FOXP1: variants seen among roughly 807,000 people sequenced by gnomAD.
The protein encoded by FOXP1 is forkhead box P1.
In FOXP1, 15 loss-of-function variants were observed where a neutral mutation model predicts 98.2. The observed-to-expected ratio is 0.15, with a 90% confidence interval of 0.10 to 0.24. The LOEUF (loss-of-function observed/expected upper bound fraction) is 0.24. Among genes scored for constraint, FOXP1 ranks in the 10% least tolerant of loss-of-function variants. The probability of loss-of-function intolerance (pLI) is 1.00; values close to 1 mark genes in which losing one functional copy is unlikely to be tolerated. For missense variants in FOXP1, 633 were observed against 848.5 expected, an observed-to-expected ratio of 0.75 and a Z score of 3.15; for synonymous variants, 371 against 314.5, an observed-to-expected ratio of 1.18 and a Z score of -1.90.
chr3:71,082,711 G>A (rs886364294), intron 7 of FOXP1, among the ~76,000 whole-genome samples: 1 of 151,536 alleles, frequency 6.6e-6, no homozygotes, highest in African/African-American at 2.4e-5. Flanking sequence ...ACAGTAACAA[G>A]GGACTGCAGA....
chr3:71,192,286 G>A (rs572988345), intron 6 of FOXP1, among the ~76,000 whole-genome samples: 21 of 152,296 alleles, frequency 1.4e-4, no homozygotes, highest in Non-Finnish European at 2.5e-4. Context: ...TTGCTACCCA[G>A]TCTTTACACC....
At chr3:71,119,972 G>T (rs991125595) in intron 6 of FOXP1, among the ~76,000 whole-genome samples, 5 of 152,192 alleles carry the variant, frequency 3.3e-5, no homozygotes, top group African/African-American at 1.2e-4. Flanking sequence ...CTCATGGAAG[G>T]ATTCTGGTGA....
Position 70,970,580 on chromosome 3 carries a change from T to C in FOXP1, c.1722+156A>G, listed in dbSNP as rs866767402. ...CCGCTAACGCTGAAGCAGCCCGATGTGTTTGCCTCCAGGGAGTATGATGCT... is the reference window on the plus strand; with the variant it reads ...CCGCTAACGCTGAAGCAGCCCGATGCGTTTGCCTCCAGGGAGTATGATGCT... On this transcript the variant is annotated intron_variant, in intron 19 of 20. Coordinates refer to ENST00000649528, the MANE Select transcript of FOXP1 (RefSeq NM_001349338.3). The C allele has an allele frequency of 6.5e-5, 47 of 720,122 alleles. No homozygotes were observed. The African/African-American group carries it at 7.4e-4, about 11-fold the overall frequency. 44.6% of individuals were successfully genotyped at this position (720,122 alleles called of 1,614,324 possible). A position where few individuals can be genotyped will look rare whatever the true frequency, so the allele number is the denominator to read the frequency against.
chr3:71,419,925 G>A (rs897402055), intron 3 of FOXP1, among the ~76,000 whole-genome samples: 2 of 151,574 alleles, frequency 1.3e-5, no homozygotes, highest in Admixed American at 6.6e-5. Context: ...AGTGATTCTC[G>A]TGCCTCAGCC....
At chr3:71,330,732 C>CA (rs2076240521) in intron 4 of FOXP1, among the ~76,000 whole-genome samples, 1 of 152,186 alleles carries the variant, frequency 6.6e-6, no homozygotes, top group Non-Finnish European at 1.5e-5. Context: ...GGTTATGTGG[C>CA]AACATTTAGT....
intron 14 of FOXP1, among the ~76,000 whole-genome samples, chr3:70,982,230 T>G (rs57591586): frequency 6.6e-6 from 1 of 152,246 alleles, no homozygotes; most frequent in Non-Finnish European, 1.5e-5. Context: ...GTGTGTGTTT[T>G]TGCTGTAATC....
intron 6 of FOXP1, among the ~76,000 whole-genome samples, chr3:71,122,726 CAG>C (rs1326769283): frequency 2.0e-5 from 3 of 152,170 alleles, no homozygotes; most frequent in African/African-American, 4.8e-5. Flanking sequence ...AATGGGCAAA[CAG>C]AGACAGATTG....
intron 10 of FOXP1, among the ~76,000 whole-genome samples, chr3:71,045,411 T>C (rs1177287703): frequency 2.0e-5 from 3 of 152,146 alleles, no homozygotes; most frequent in Non-Finnish European, 2.9e-5. Context: ...GTGAGCAAAC[T>C]TGATGAGAGA....
intron 19 of FOXP1, among the ~76,000 whole-genome samples, chr3:70,967,719 T>TG (rs1559586574): frequency 5.9e-5 from 8 of 136,274 alleles, no homozygotes; most frequent in South Asian, 2.3e-4. Context: ...TGTTTTTTTT[T>TG]TTTTTTTTTG....
chr3:71,053,569 C>T (rs897402845), intron 8 of FOXP1, 67 bp downstream of exon 8: 8 of 1,598,238 alleles, frequency 5.0e-6, no homozygotes, highest in African/African-American at 1.3e-5. Flanking sequence ...GGGGAGATTG[C>T]GAATGGAGTG....
In FOXP1 at chr3:71,214,829, C is replaced by T. The variant is rs933572416; in HGVS notation, c.-11-16437G>A. Reference sequence around the variant, plus strand: ...CAGTGCATTTATCCAAGAGTAGACCCCTGTGGCACCTTCCAGAGGAGACTA... The same window carrying T: ...CAGTGCATTTATCCAAGAGTAGACCTCTGTGGCACCTTCCAGAGGAGACTA... On this transcript the variant is annotated intron_variant, in intron 5 of 20. Transcript: ENST00000649528. Among the ~76,000 whole-genome samples, 3 of 152,170 alleles carry T rather than the reference C, an allele frequency of 2.0e-5. No homozygotes were observed. In the East Asian group the frequency reaches 5.8e-4, roughly 29 times the overall value.
chr3:71,219,226 C>T (rs545588938), intron 5 of FOXP1, among the ~76,000 whole-genome samples: 40 of 152,268 alleles, frequency 2.6e-4, no homozygotes, highest in Non-Finnish European at 5.1e-4. Flanking sequence ...TGAACAAATG[C>T]AACTCCTAGT....
At chr3:71,187,153 A>T (rs577534100) in intron 6 of FOXP1, among the ~76,000 whole-genome samples, 3 of 152,280 alleles carry the variant, frequency 2.0e-5, no homozygotes, top group Non-Finnish European at 4.4e-5. Flanking sequence ...TGAACAGCTG[A>T]GACAAGTTTA....
intron 7 of FOXP1, among the ~76,000 whole-genome samples, chr3:71,108,183 T>C (rs770438738): frequency 9.2e-5 from 14 of 152,238 alleles, no homozygotes; most frequent in Non-Finnish European, 2.1e-4. Flanking sequence ...ACTTTAATGC[T>C]GCCAGAATAC....
At position 71,372,798 on chromosome 3, in the gene FOXP1, C is replaced by T. The variant is rs189361395; in HGVS notation, c.-167-13554G>A. Among the ~76,000 whole-genome samples, 172 of 152,294 alleles carry T rather than the reference C, an allele frequency of 1.1e-3. 1 individual carries two copies. Among genetic ancestry groups the T allele is most frequent in the Admixed American group, 6.5e-4 (10 of 15,298 alleles). On this transcript the variant is annotated intron_variant, in intron 3 of 20. Coordinates refer to ENST00000649528, the MANE Select transcript of FOXP1 (RefSeq NM_001349338.3). ...TGCCAGAGTGATTTGCAAATGCACA[C>T]GACAAGATCAGTTACAGAAATGATG...
intron 6 of FOXP1, among the ~76,000 whole-genome samples, chr3:71,175,879 T>C (rs936087763): frequency 2.0e-5 from 3 of 152,186 alleles, no homozygotes; most frequent in South Asian, 2.1e-4. Flanking sequence ...CAGTGTTCTA[T>C]GTGAGCAAAG....
intron 2 of FOXP1, among the ~76,000 whole-genome samples, chr3:71,547,835 T>A (rs1251126158): frequency 2.0e-5 from 3 of 152,190 alleles, no homozygotes; most frequent in Admixed American, 2.0e-4. Context: ...CCTCCCATAT[T>A]TATGAGGCCT....
rs151162322 is a variant in FOXP1 at position 71,126,361 on chromosome 3, C to A, written c.181-13724G>T. Among the ~76,000 whole-genome samples the A allele has an allele frequency of 9.6e-3, 1,445 of 151,200 alleles. 25 individuals carry two copies. The highest frequency in any genetic ancestry group is 0.033 in the African/African-American group (1,340 of 41,206). On this transcript the variant is annotated intron_variant, in intron 6 of 20. Transcript: ENST00000649528. ...AAAATTAGCCAGGCGTGGTGGCAGGCGCCTGTAGTCCCAGCTACTCTGGAG... is the reference window on the plus strand; with the variant it reads ...AAAATTAGCCAGGCGTGGTGGCAGGAGCCTGTAGTCCCAGCTACTCTGGAG...
At chr3:71,051,116 G>A (rs1282705098) in intron 9 of FOXP1, among the ~76,000 whole-genome samples, 1 of 152,188 alleles carries the variant, frequency 6.6e-6, no homozygotes, top group Non-Finnish European at 1.5e-5. Context: ...ACAAAGCTGA[G>A]AGCCTTCTGC....
Sources: allele counts gnomAD v4.1 joint callset (sites outside exome capture counted in the v4.1 genomes callset), GRCh38; gene constraint gnomAD v4.1.1; transcripts MANE v1.5; gene names NCBI Gene and HGNC (gene_info 2026-07-23, HGNC 2026-07-21).